ARL5A: variants seen among roughly 807,000 people sequenced by gnomAD.
ARL5A encodes ADP-ribosylation factor-like protein 5A.
A neutral mutation model predicts 25.9 loss-of-function variants in ARL5A; 18 were observed. The observed-to-expected ratio is 0.69, with a 90% CI of 0.48 to 1.03. The LOEUF (loss-of-function observed/expected upper bound fraction) is 1.03, where lower values mean the gene tolerates loss of function less well. Ranked by LOEUF, ARL5A falls within the 50% of genes least tolerant of loss-of-function variation. ARL5A has a pLI of 0.00. For missense variants in ARL5A, 170 were observed against 211.9 expected (o/e 0.80, Z 1.23); for synonymous variants, 61 against 67.5 (o/e 0.90, Z 0.47).
At position 151,821,875 on chromosome 2, in the gene ARL5A, A is replaced by C. The variant is rs185462872; in HGVS notation, c.46+6256T>G. Among the ~76,000 whole-genome samples the C allele has an allele frequency of 2.1e-3, 291 of 136,804 alleles. 1 individual carries two copies. Among genetic ancestry groups the C allele is most frequent in the African/African-American group, 7.8e-3 (284 of 36,204 alleles). The allele number at this position is 136,804 out of a possible 152,430, so 89.7% of individuals were successfully genotyped here. ...TTTATATTTATTTATTTAGAGATGG[A>C]GTCTCGCCCTGTCGCCCAGGCTGGA... is the stretch of plus-strand genomic sequence containing the variant. On this transcript the variant is annotated intron_variant, in intron 1 of 5. Transcript: ENST00000295087.
Position 151,801,717 on chromosome 2 carries a change from T to TA in ARL5A, c.*1558dup, listed in dbSNP as rs1352116549. On this transcript the variant is annotated 3_prime_UTR_variant, in exon 6 of 6. Transcript: ENST00000295087. ...AAACTTTCAAAGTTTTGTCAATACTTAAACTATATACTATTATTCCTCACC... is the reference window on the plus strand; with the variant it reads ...AAACTTTCAAAGTTTTGTCAATACTTAAAACTATATACTATTATTCCTCACC... 6.6e-6 allele frequency: 1 copy of TA among 152,148 alleles called. No homozygotes were observed. The allele number at this position is 152,148 out of a possible 1,614,324, so 9.4% of individuals were successfully genotyped here.
chr2:151,825,179 T>C (rs2099832887), intron 1 of ARL5A, among the ~76,000 whole-genome samples: 1 of 152,222 alleles, frequency 6.6e-6, no homozygotes, highest in African/African-American at 2.4e-5. Context: ...TATTTGTTTA[T>C]TGAGAACAAG....
At chr2:151,827,910 T>C (rs865839734) in intron 1 of ARL5A, 3 of 554,842 alleles carry the variant, frequency 5.4e-6, no homozygotes, top group East Asian at 3.4e-5. Context: ...AAAGACTTCT[T>C]AGGAAGGTCT....
chr2:151,807,039 A>C (rs2151292221), intron 4 of ARL5A, 67 bp from the exon 5 acceptor site: 1 of 1,406,584 alleles, frequency 7.1e-7, no homozygotes, highest in African/African-American at 1.4e-5. Flanking sequence ...TCATTAACAG[A>C]ATCTTTTTCA....
At chr2:151,806,322 A>C (rs1056193875) in intron 5 of ARL5A, among the ~76,000 whole-genome samples, 2 of 152,200 alleles carry the variant, frequency 1.3e-5, no homozygotes, top group Non-Finnish European at 2.9e-5. Context: ...TAAGTGCATC[A>C]GTTCCAACAG....
In ARL5A at chr2:151,828,196, C is replaced by T. The variant is rs184356363; in HGVS notation, c.-20G>A. 2 of 1,605,280 alleles carry T rather than the reference C, an allele frequency of 1.2e-6. No individual in the cohort carries two copies. Among genetic ancestry groups the T allele is most frequent in the African/African-American group, 2.7e-5 (2 of 74,204 alleles). ...TCCCATTCTCGGGCAGCGGACCCCCCCCCTCCAGACACCCGGGCCGCCTGG... is the reference window on the plus strand; with the variant it reads ...TCCCATTCTCGGGCAGCGGACCCCCTCCCTCCAGACACCCGGGCCGCCTGG... On this transcript the variant is annotated 5_prime_UTR_variant, in exon 1 of 6. Transcript: ENST00000295087.
rs779466789 is a variant in ARL5A at position 151,803,291 on chromosome 2, T to A, written c.525A>T (p.Arg175=). ...LCQGLEWMMS[R]LKIR ...TCAGTAGAGATCATCTAATCTTAAGTCGTGACATCATCCATTCAAGTCCTT... is the reference window on the plus strand; with the variant it reads ...TCAGTAGAGATCATCTAATCTTAAGACGTGACATCATCCATTCAAGTCCTT... Residue 175 remains arginine, a synonymous_variant, in exon 6 of 6, where the codon CGA becomes CGT. Transcript: ENST00000295087. 9 of 1,612,872 alleles carry A rather than the reference T, an allele frequency of 5.6e-6. No homozygotes were observed. The East Asian group carries it at 6.7e-5, about 12-fold the overall frequency.
At chr2:151,827,950 C>T (rs989503051) in intron 1 of ARL5A, 181 bp downstream of exon 1, 9 of 614,772 alleles carry the variant, frequency 1.5e-5, no homozygotes, top group Middle Eastern at 2.6e-4. Flanking sequence ...AGTCAGGAAC[C>T]ATCCCCAAGC....
At position 151,799,004 on chromosome 2, in the gene ARL5A, G is replaced by A. The variant is rs1387945115; in HGVS notation, c.*4272C>T. 1 of 152,172 alleles carries A rather than the reference G, an allele frequency of 6.6e-6. No individual in the cohort carries two copies. 9.4% of individuals were successfully genotyped at this position (152,172 alleles called of 1,614,324 possible). ...GAAATACTGCATAACTAATCCAAGT[G>A]TATCCTGGAACATTTCTTCACAATC... is the stretch of plus-strand genomic sequence containing the variant. On this transcript the variant is annotated 3_prime_UTR_variant, in exon 6 of 6. Coordinates refer to ENST00000295087, the MANE Select transcript of ARL5A (RefSeq NM_012097.4).
intron 1 of ARL5A, among the ~76,000 whole-genome samples, chr2:151,826,082 A>G (rs535089637): frequency 1.3e-5 from 2 of 152,324 alleles, no homozygotes; most frequent in South Asian, 4.1e-4. Flanking sequence ...AGATCACACC[A>G]CTGCACTCCA....
chr2:151,801,637 A>G lies in ARL5A; in HGVS notation c.*1639T>C, dbSNP rs2099829424. 1 of 152,102 alleles carries G rather than the reference A, an allele frequency of 6.6e-6. No homozygotes were observed. The highest frequency in any genetic ancestry group is 2.4e-5 in the African/African-American group (1 of 41,448). 9.4% of individuals were successfully genotyped at this position (152,102 alleles called of 1,614,324 possible). A position where few individuals can be genotyped will look rare whatever the true frequency, so the allele number is the denominator to read the frequency against. On this transcript the variant is annotated 3_prime_UTR_variant, in exon 6 of 6. Coordinates refer to ENST00000295087, the MANE Select transcript of ARL5A (RefSeq NM_012097.4). The stretch of plus-strand genomic sequence containing the variant: ...ATAAAACATCCAATGTTAAATACTG[A>G]TATCCCATGCCTGACCTGGATTTAG...
intron 4 of ARL5A, chr2:151,810,663 A>C (rs1317428385): frequency 5.9e-6 from 2 of 339,288 alleles, no homozygotes; most frequent in Non-Finnish European, 5.8e-6. Flanking sequence ...GTAGTCACCC[A>C]TAACAGATAA....
intron 4 of ARL5A, 33 bp downstream of exon 4, chr2:151,812,324 C>G (rs111462761): frequency 7.0e-7 from 1 of 1,419,368 alleles, no homozygotes; most frequent in Non-Finnish European, 9.7e-7. Context: ...CATACCCTTC[C>G]CCATATCTAA....
At chr2:151,821,756 C>A (rs1235141690) in intron 1 of ARL5A, among the ~76,000 whole-genome samples, 1 of 150,478 alleles carries the variant, frequency 6.6e-6, no homozygotes, top group Non-Finnish European at 1.5e-5. Context: ...TACAGGCAGG[C>A]ACTACCATGC....
At chr2:151,822,209 C>G (rs2099832441) in intron 1 of ARL5A, among the ~76,000 whole-genome samples, 1 of 152,128 alleles carries the variant, frequency 6.6e-6, no homozygotes. Context: ...AGGGGTTTTG[C>G]CATGTTGGCC....
chr2:151,812,436 AC>A lies in ARL5A; in HGVS notation c.259del (p.Val87Ter), dbSNP rs2099830964. 6.4e-7 allele frequency: 1 copy of A among 1,569,126 alleles called. No individual in the cohort carries two copies. Among genetic ancestry groups the A allele is most frequent in the African/African-American group, 1.4e-5 (1 of 72,830 alleles). On this transcript the variant is annotated frameshift_variant, in exon 4 of 6. Coordinates refer to ENST00000295087, the MANE Select transcript of ARL5A (RefSeq NM_012097.4). LOFTEE classifies it high-confidence loss of function. ...WNTYYTNTEF[V>X]IVVVDSTDRE... Reference sequence around the variant, plus strand: ...GTCTGTACTGTCCACAACAACTATTACAAACTAAAATAATTACAAAAAAATT... The same window carrying A: ...GTCTGTACTGTCCACAACAACTATTAAAACTAAAATAATTACAAAAAAATT...
chr2:151,815,636 G>A (rs2099831406), intron 1 of ARL5A, among the ~76,000 whole-genome samples: 1 of 152,124 alleles, frequency 6.6e-6, no homozygotes, highest in African/African-American at 2.4e-5. Flanking sequence ...GAAGGAAAAA[G>A]GTCAGTTTTT....
chr2:151,819,081 A>G (rs2099831899), intron 1 of ARL5A, among the ~76,000 whole-genome samples: 2 of 152,228 alleles, frequency 1.3e-5, no homozygotes, highest in South Asian at 4.1e-4. Flanking sequence ...AATTAGCAGG[A>G]AAAGTCCAAA....
intron 1 of ARL5A, among the ~76,000 whole-genome samples, chr2:151,816,433 G>A (rs116027073): frequency 0.013 from 1,984 of 152,246 alleles, 43 homozygotes; most frequent in African/African-American, 0.043. Context: ...CTTAGTCGAC[G>A]CGTAAGAAAC....
Sources: gnomAD v4.1 joint callset for allele counts (sites outside exome capture counted in the v4.1 genomes callset) on GRCh38, gnomAD v4.1.1 for gene constraint, MANE v1.5 for transcripts, NCBI Gene and HGNC (gene_info 2026-07-23, HGNC 2026-07-21) for gene names.